The following GCH1 variants were observed in gnomAD, a reference collection of about 807,000 sequenced individuals.
GCH1 encodes GTP cyclohydrolase 1.
In GCH1, 5 loss-of-function variants were observed where a neutral mutation model predicts 25.9. That is an observed-to-expected ratio of 0.19 (90% CI 0.10 to 0.41). The LOEUF (loss-of-function observed/expected upper bound fraction) is 0.41, where lower values mean the gene tolerates loss of function less well. Among genes scored for constraint, GCH1 ranks in the 10% least tolerant of loss-of-function variants. GCH1 has a pLI of 1.00. For synonymous variants in GCH1, 159 were observed against 129.6 expected (o/e 1.23, Z -1.54); for missense variants, 261 against 336.5 (o/e 0.78, Z 1.75).
At chr14:54,885,090 T>A (rs1182754833) in intron 1 of GCH1, 4 of 309,556 alleles carry the variant, frequency 1.3e-5, no homozygotes, top group African/African-American at 6.6e-5. Flanking sequence ...TTTGTTGTCA[T>A]CTGTTGTCCT....
At position 54,870,790 on chromosome 14, in the gene GCH1, G is replaced by C. The variant is rs190703124; in HGVS notation, c.344-5354C>G. Among the ~76,000 whole-genome samples the C allele has an allele frequency of 4.7e-4, 72 of 152,322 alleles. No homozygotes were observed. In the East Asian group the frequency reaches 0.013, roughly 27 times the overall value. On this transcript the variant is annotated intron_variant, in intron 1 of 5. Coordinates refer to ENST00000491895, the MANE Select transcript of GCH1 (RefSeq NM_000161.3). Reference sequence around the variant, plus strand: ...TGAGATCAAACTGCAAGGCGGCAGCGAGGCTGGGGGAGGGGCACCCGCCAT... The same window carrying C: ...TGAGATCAAACTGCAAGGCGGCAGCCAGGCTGGGGGAGGGGCACCCGCCAT...
rs188702663 is a variant in GCH1, at chr14:54,853,639, G to T, written c.509+6042C>A. Among the ~76,000 whole-genome samples, 367 of 152,150 alleles carry T rather than the reference G, an allele frequency of 2.4e-3. 1 individual carries two copies. The highest frequency in any genetic ancestry group is 8.2e-3 in the African/African-American group (342 of 41,504). ...TAATCTAAACCATTCTTACATTCTT[G>T]GACTAAACATCCCTGGGTCATGTTG... On this transcript the variant is annotated intron_variant, in intron 3 of 5. Transcript: ENST00000491895.
At chr14:54,855,026 A>G (rs567525777) in intron 3 of GCH1, among the ~76,000 whole-genome samples, 1 of 152,162 alleles carries the variant, frequency 6.6e-6, no homozygotes, top group Non-Finnish European at 1.5e-5. Context: ...AAGATAATAA[A>G]ATTTGTTCAC....
At chr14:54,844,225 TC>T in intron 5 of GCH1, 82 bp from the exon 6 acceptor site, 1 of 893,712 alleles carries the variant, frequency 1.1e-6, no homozygotes, top group Non-Finnish European at 1.9e-6. Flanking sequence ...AAAGATTAAA[TC>T]TCAGCTCACA....
rs373683877 is a variant in GCH1 at position 54,851,580 on chromosome 14, C to T, written c.510-4450G>A. Among the ~76,000 whole-genome samples the T allele has an allele frequency of 2.5e-3, 376 of 152,330 alleles. 1 individual carries two copies. Among genetic ancestry groups the T allele is most frequent in the South Asian group, 0.013 (64 of 4,820 alleles). The stretch of plus-strand genomic sequence containing the variant: ...GGGTGAAGGATATGAACAGACACTT[C>T]TCAAAAGAAGACATTTATGCAGCCA... On this transcript the variant is annotated intron_variant, in intron 3 of 5. Transcript: ENST00000491895.
chr14:54,891,956 T>C (rs1237489826), intron 1 of GCH1, among the ~76,000 whole-genome samples: 1 of 152,194 alleles, frequency 6.6e-6, no homozygotes, highest in Non-Finnish European at 1.5e-5. Context: ...CGTTGGCAAT[T>C]CAGTTATGCC....
At chr14:54,901,150 CT>C (rs1566686606) in intron 1 of GCH1, among the ~76,000 whole-genome samples, 1 of 152,102 alleles carries the variant, frequency 6.6e-6, no homozygotes, top group Non-Finnish European at 1.5e-5. Flanking sequence ...AAATAACTTT[CT>C]TTTTCCCAGG....
Position 54,843,375 on chromosome 14 carries a change from T to C in GCH1, c.*642A>G. Reference sequence around the variant, plus strand: ...CTCGTAAACAACACCAGGAACTAATTCCCTATTCTTGAATTTAAAAACAAT... The same window carrying C: ...CTCGTAAACAACACCAGGAACTAATCCCCTATTCTTGAATTTAAAAACAAT... On this transcript the variant is annotated 3_prime_UTR_variant, in exon 6 of 6. Transcript: ENST00000491895. 1.6e-6 allele frequency: 2 copies of C among 1,252,476 alleles called. No individual in the cohort carries two copies. Among genetic ancestry groups the C allele is most frequent in the Non-Finnish European group, 2.0e-6 (2 of 999,662 alleles). 77.6% of individuals were successfully genotyped at this position (1,252,476 alleles called of 1,614,324 possible). A position where few individuals can be genotyped will look rare whatever the true frequency, so the allele number is the denominator to read the frequency against.
At chr14:54,880,413 T>A (rs1381116401) in intron 1 of GCH1, among the ~76,000 whole-genome samples, 1 of 124,424 alleles carries the variant, frequency 8.0e-6, no homozygotes, top group Non-Finnish European at 1.6e-5. Context: ...ACATAATATA[T>A]AAAATATATA....
At chr14:54,885,068 C>G (rs776342820) in intron 1 of GCH1, 95 of 307,542 alleles carry the variant, frequency 3.1e-4, no homozygotes, top group Admixed American at 1.5e-3. Context: ...ACTGAACCAC[C>G]AGTCAGCTGC....
intron 1 of GCH1, among the ~76,000 whole-genome samples, chr14:54,879,090 G>A (rs2040204384): frequency 6.6e-6 from 1 of 152,030 alleles, no homozygotes; most frequent in Non-Finnish European, 1.5e-5. Context: ...ATTTTTAAAT[G>A]AAGGGACTCC....
At chr14:54,847,317 T>G (rs1231712166) in intron 3 of GCH1, among the ~76,000 whole-genome samples, 187 bp from the exon 4 acceptor site, 1 of 152,140 alleles carries the variant, frequency 6.6e-6, no homozygotes, top group Non-Finnish European at 1.5e-5. Flanking sequence ...CTTGATTGGA[T>G]TGAAGGATGC....
intron 1 of GCH1, among the ~76,000 whole-genome samples, chr14:54,900,410 C>A (rs2040548046): frequency 6.6e-6 from 1 of 151,386 alleles, no homozygotes. Flanking sequence ...CGGGGTTTCG[C>A]CATGTTGACC....
At chr14:54,884,372 G>A (rs1016082155) in intron 1 of GCH1, among the ~76,000 whole-genome samples, 7 of 152,180 alleles carry the variant, frequency 4.6e-5, no homozygotes, top group Non-Finnish European at 8.8e-5. Flanking sequence ...ATATGGAAGT[G>A]GGAAACAGCA....
chr14:54,865,595 C>A (rs1485397012), intron 1 of GCH1, among the ~76,000 whole-genome samples, 159 bp from the exon 2 acceptor site: 5 of 152,098 alleles, frequency 3.3e-5, no homozygotes, highest in African/African-American at 7.2e-5. Flanking sequence ...ATCAAAGTAG[C>A]AAAGTCCTTT....
At chr14:54,866,009 C>T (rs896404566) in intron 1 of GCH1, among the ~76,000 whole-genome samples, 8 of 151,950 alleles carry the variant, frequency 5.3e-5, no homozygotes, top group Admixed American at 6.6e-5. Flanking sequence ...GGAAATAAAT[C>T]CTACAGTTTG....
chr14:54,887,811 G>A (rs1329214704), intron 1 of GCH1, among the ~76,000 whole-genome samples: 2 of 152,044 alleles, frequency 1.3e-5, no homozygotes, highest in Non-Finnish European at 2.9e-5. Context: ...CAATCTAGGT[G>A]GTAAGTATAT....
intron 3 of GCH1, among the ~76,000 whole-genome samples, chr14:54,851,628 C>A (rs7161034): frequency 0.43 from 65,316 of 151,890 alleles, 15,592 homozygotes; most frequent in African/African-American, 0.64. Context: ...AAAAATGCTC[C>A]TCATCACTGG....
chr14:54,870,157 G>T (rs7492600), intron 1 of GCH1, among the ~76,000 whole-genome samples: 32,624 of 151,836 alleles, frequency 0.21, 4,889 homozygotes, highest in East Asian at 0.41. Context: ...TGTAAAGTAG[G>T]TAAATTTTAC....
Sources: gnomAD v4.1 joint callset for allele counts (sites outside exome capture counted in the v4.1 genomes callset) on GRCh38, gnomAD v4.1.1 for gene constraint, MANE v1.5 for transcripts, NCBI Gene and HGNC (gene_info 2026-07-23, HGNC 2026-07-21) for gene names.